PDE8B: variants seen among roughly 807,000 people sequenced by gnomAD.
PDE8B encodes phosphodiesterase 8B.
PDE8B carries 26 observed loss-of-function variants against 101.3 expected under a neutral mutation model. That is an observed-to-expected ratio of 0.26 (90% CI 0.19 to 0.36). The LOEUF is 0.36. Among genes scored for constraint, PDE8B ranks in the 10% least tolerant of loss-of-function variants. The probability of loss-of-function intolerance (pLI) is 1.00; values close to 1 mark genes in which losing one functional copy is unlikely to be tolerated. For synonymous variants in PDE8B, 424 were observed against 429.3 expected (o/e 0.99, Z 0.15); for missense variants, 810 against 1,163.1 (o/e 0.70, Z 4.42).
At chr5:77,261,720 T>G (rs1760627939) in intron 1 of PDE8B, among the ~76,000 whole-genome samples, 1 of 152,168 alleles carries the variant, frequency 6.6e-6, no homozygotes, top group Non-Finnish European at 1.5e-5. Context: ...AGGATTCCAG[T>G]AATGACCCTT....
intron 6 of PDE8B, among the ~76,000 whole-genome samples, chr5:77,342,016 G>A (rs771833454): frequency 1.3e-5 from 2 of 152,086 alleles, no homozygotes; most frequent in Non-Finnish European, 2.9e-5. Context: ...CTTCATTTCT[G>A]CAACTATAGG....
chr5:77,281,874 C>T lies in PDE8B; in HGVS notation c.340-30120C>T, dbSNP rs116073116. Among the ~76,000 whole-genome samples, 401 of 152,294 alleles carry T rather than the reference C, an allele frequency of 2.6e-3. 1 individual carries two copies. The highest frequency in any genetic ancestry group is 9.0e-3 in the African/African-American group (375 of 41,560). On this transcript the variant is annotated intron_variant, in intron 1 of 21. Coordinates refer to ENST00000264917, the MANE Select transcript of PDE8B (RefSeq NM_003719.5). ...TTGCTTCTACTGTGCGCTACTCCAA[C>T]CCCTACCCCACCTCAACTGGACTAC...
At chr5:77,168,247 G>A in the PDE8B span, among the ~76,000 whole-genome samples, 1 of 152,200 alleles carries the variant, frequency 6.6e-6, no homozygotes, top group African/African-American at 2.4e-5. Context: ...ACTCTGACAG[G>A]GCATGGCAGC....
chr5:77,250,422 T>C (rs1423680704), intron 1 of PDE8B, among the ~76,000 whole-genome samples: 1 of 152,084 alleles, frequency 6.6e-6, no homozygotes, highest in Non-Finnish European at 1.5e-5. Context: ...GACCCTGGGG[T>C]ATATGAGGAC....
intron 2 of PDE8B, among the ~76,000 whole-genome samples, chr5:77,316,434 A>G (rs1773781036): frequency 6.6e-6 from 1 of 152,160 alleles, no homozygotes; most frequent in African/African-American, 2.4e-5. Flanking sequence ...GGGTTTCACC[A>G]TATTGGCCAG....
At chr5:77,323,009 T>G (rs1435414699) in intron 2 of PDE8B, among the ~76,000 whole-genome samples, 3 of 152,248 alleles carry the variant, frequency 2.0e-5, no homozygotes, top group Non-Finnish European at 2.9e-5. Context: ...GAGATTCTTG[T>G]TTAGAAACCC....
chr5:77,416,526 G>A (rs1469148534), intron 17 of PDE8B, among the ~76,000 whole-genome samples: 1 of 152,224 alleles, frequency 6.6e-6, no homozygotes, highest in East Asian at 1.9e-4. Context: ...CTTGCCCTGG[G>A]CACTGCAGAA....
intron 1 of PDE8B, among the ~76,000 whole-genome samples, chr5:77,232,183 C>G (rs748481211): frequency 1.3e-5 from 2 of 152,200 alleles, no homozygotes; most frequent in Non-Finnish European, 1.5e-5. Flanking sequence ...ATCCATTTTT[C>G]ATATTTAAAA....
chr5:77,267,828 T>A (rs1762059486), intron 1 of PDE8B, among the ~76,000 whole-genome samples: 1 of 152,182 alleles, frequency 6.6e-6, no homozygotes, highest in Non-Finnish European at 1.5e-5. Context: ...ACAAGAGCAG[T>A]TAGAATAAAG....
chr5:77,385,462 G>A (rs574351433), intron 10 of PDE8B, among the ~76,000 whole-genome samples: 4 of 148,326 alleles, frequency 2.7e-5, no homozygotes, highest in African/African-American at 5.0e-5. Context: ...AGGGTTTTTC[G>A]TGTTTCTATC....
chr5:77,245,997 C>T (rs867304396), intron 1 of PDE8B, among the ~76,000 whole-genome samples: 3 of 151,628 alleles, frequency 2.0e-5, no homozygotes, highest in African/African-American at 4.8e-5. Flanking sequence ...ACCACAGGTA[C>T]GCACTACCAC....
the PDE8B span, among the ~76,000 whole-genome samples, chr5:77,138,769 A>G: frequency 6.6e-6 from 1 of 152,148 alleles, no homozygotes; most frequent in Non-Finnish European, 1.5e-5. Context: ...TGCCTATCCA[A>G]CGATCTAAAA....
At chr5:77,380,958 T>A (rs1395100923) in intron 10 of PDE8B, among the ~76,000 whole-genome samples, 1 of 151,918 alleles carries the variant, frequency 6.6e-6, no homozygotes, top group East Asian at 1.9e-4. Flanking sequence ...TCCCAAGCAG[T>A]GGAGCTGCAA....
At chr5:77,241,999 G>A (rs1221184424) in intron 1 of PDE8B, among the ~76,000 whole-genome samples, 2 of 152,252 alleles carry the variant, frequency 1.3e-5, no homozygotes, top group African/African-American at 2.4e-5. Context: ...TTCACGCAAG[G>A]TGTATGCCGA....
chr5:77,360,399 A>G (rs892140847), intron 10 of PDE8B, among the ~76,000 whole-genome samples: 1 of 152,238 alleles, frequency 6.6e-6, no homozygotes. Flanking sequence ...CTTCTGTTAA[A>G]GTTTTACTTA....
chr5:77,257,554 A>G (rs1216626816), intron 1 of PDE8B, among the ~76,000 whole-genome samples: 1 of 152,248 alleles, frequency 6.6e-6, no homozygotes, highest in Non-Finnish European at 1.5e-5. Context: ...TGCATCTAAT[A>G]ATAGGGCTTC....
At chr5:77,117,082 C>T in the PDE8B span, among the ~76,000 whole-genome samples, 2 of 152,182 alleles carry the variant, frequency 1.3e-5, no homozygotes, top group East Asian at 1.9e-4. Context: ...AGTTCTTCCA[C>T]GATTCTGAAC....
intron 1 of PDE8B, among the ~76,000 whole-genome samples, chr5:77,247,001 T>A (rs1388278894): frequency 6.6e-6 from 1 of 152,228 alleles, no homozygotes; most frequent in East Asian, 1.9e-4. Context: ...CATAGGTTGT[T>A]ATAAGGATTA....
At chr5:77,194,038 C>T in the PDE8B span, among the ~76,000 whole-genome samples, 10 of 152,080 alleles carry the variant, frequency 6.6e-5, no homozygotes, top group Admixed American at 2.6e-4. Flanking sequence ...GTTTTCATAG[C>T]CTTTAGCATT....
Sources: allele counts gnomAD v4.1 joint callset (sites outside exome capture counted in the v4.1 genomes callset), GRCh38; gene constraint gnomAD v4.1.1; transcripts MANE v1.5; gene names NCBI Gene and HGNC (gene_info 2026-07-23, HGNC 2026-07-21).